ZNF385D: variants seen among roughly 807,000 people sequenced by gnomAD.
The protein encoded by ZNF385D is zinc finger protein 659.
A neutral mutation model predicts 35.8 loss-of-function variants in ZNF385D; 15 were observed. That is an observed-to-expected ratio of 0.42 (90% CI 0.28 to 0.64). ZNF385D has a LOEUF of 0.64. Among genes scored for constraint, ZNF385D ranks in the 30% least tolerant of loss-of-function variants. The pLI is 0.23. For synonymous variants in ZNF385D, 212 were observed against 186.8 expected (o/e 1.13, Z -1.10); for missense variants, 474 against 494.6 (o/e 0.96, Z 0.39).
intron 3 of ZNF385D, among the ~76,000 whole-genome samples, chr3:21,960,519 CAG>C (rs930369120): frequency 1.3e-5 from 2 of 151,782 alleles, no homozygotes; most frequent in African/African-American, 4.8e-5. Flanking sequence ...TTAGGGAAAA[CAG>C]TGTGGAGATT....
intron 3 of ZNF385D, among the ~76,000 whole-genome samples, chr3:21,926,182 T>G (rs1056408113): frequency 3.3e-5 from 5 of 152,094 alleles, no homozygotes; most frequent in Non-Finnish European, 5.9e-5. Flanking sequence ...ATGTGCAGAT[T>G]TTGCAGGTTT....
intron 2 of ZNF385D, among the ~76,000 whole-genome samples, chr3:21,584,992 C>T (rs558908806): frequency 6.6e-6 from 1 of 152,244 alleles, no homozygotes; most frequent in Admixed American, 6.5e-5. Context: ...AGAAAATCTC[C>T]AGAGAAAAGA....
At chr3:21,825,574 T>G (rs973922399) in intron 3 of ZNF385D, among the ~76,000 whole-genome samples, 1 of 152,154 alleles carries the variant, frequency 6.6e-6, no homozygotes, top group Non-Finnish European at 1.5e-5. Context: ...TCACTCTGCA[T>G]TCTTCATTTC....
At chr3:21,958,563 A>G (rs1344370271) in intron 3 of ZNF385D, among the ~76,000 whole-genome samples, 1 of 152,112 alleles carries the variant, frequency 6.6e-6, no homozygotes, top group African/African-American at 2.4e-5. Context: ...GAAGCTATAT[A>G]TCTAATAAAA....
At chr3:21,620,141 A>G (rs1254063455) in intron 2 of ZNF385D, among the ~76,000 whole-genome samples, 1 of 152,228 alleles carries the variant, frequency 6.6e-6, no homozygotes, top group East Asian at 1.9e-4. Context: ...AGCATAAGGG[A>G]AAGTTATTTT....
At chr3:22,365,093 A>G (rs1696592116) in intron 2 of ZNF385D, among the ~76,000 whole-genome samples, 1 of 152,076 alleles carries the variant, frequency 6.6e-6, no homozygotes, top group South Asian at 2.1e-4. Flanking sequence ...GGCTGTGGGC[A>G]GGGAAGAATG....
chr3:22,119,027 T>A (rs9310682), intron 3 of ZNF385D, among the ~76,000 whole-genome samples: 2 of 152,098 alleles, frequency 1.3e-5, no homozygotes, highest in Admixed American at 1.3e-4. Flanking sequence ...GATTACCTAA[T>A]TCTAAAAAAT....
intron 3 of ZNF385D, among the ~76,000 whole-genome samples, chr3:22,046,617 C>T (rs186903534): frequency 4.7e-4 from 71 of 152,144 alleles, no homozygotes; most frequent in African/African-American, 1.6e-3. Flanking sequence ...TTCATATAAG[C>T]AATTGCAAAT....
intron 3 of ZNF385D, among the ~76,000 whole-genome samples, chr3:21,807,719 G>A (rs1238657120): frequency 6.6e-6 from 1 of 152,198 alleles, no homozygotes; most frequent in South Asian, 2.1e-4. Flanking sequence ...TAACAAAATA[G>A]GAGCATCATT....
At chr3:21,858,385 T>TTTATGTCC (rs933128966) in intron 3 of ZNF385D, among the ~76,000 whole-genome samples, 1 of 151,986 alleles carries the variant, frequency 6.6e-6, no homozygotes, top group African/African-American at 2.4e-5. Flanking sequence ...GGTCTGAATG[T>TTTATGTCC]TTATGTCCCC....
chr3:21,629,037 C>T (rs1269230277), intron 2 of ZNF385D, among the ~76,000 whole-genome samples: 1 of 152,036 alleles, frequency 6.6e-6, no homozygotes, highest in Non-Finnish European at 1.5e-5. Context: ...CTGACCATTA[C>T]AATGAACAGA....
At chr3:22,166,568 A>G (rs1706342127) in intron 3 of ZNF385D, among the ~76,000 whole-genome samples, 1 of 152,236 alleles carries the variant, frequency 6.6e-6, no homozygotes, top group Admixed American at 6.5e-5. Context: ...GAATATAACA[A>G]GATCACTTTG....
At chr3:22,370,079 A>C (rs1494217) in intron 2 of ZNF385D, among the ~76,000 whole-genome samples, 104,234 of 152,008 alleles carry the variant, frequency 0.69, 35,939 homozygotes, top group South Asian at 0.77. Flanking sequence ...GTAAATAGCA[A>C]GTCACAGCAG....
chr3:22,237,366 C>T (rs1699246305), intron 2 of ZNF385D, among the ~76,000 whole-genome samples: 1 of 151,918 alleles, frequency 6.6e-6, no homozygotes, highest in Non-Finnish European at 1.5e-5. Context: ...TTTAATTGGG[C>T]TGTTTATTAT....
intron 3 of ZNF385D, among the ~76,000 whole-genome samples, chr3:22,123,732 G>T: frequency 6.6e-6 from 1 of 152,082 alleles, no homozygotes; most frequent in East Asian, 1.9e-4. Flanking sequence ...GTGGTGGTGG[G>T]CACCTGTAAT....
At chr3:21,693,882 CTTTTTTTT>C (rs555946193) in intron 1 of ZNF385D, among the ~76,000 whole-genome samples, 1 of 118,394 alleles carries the variant, frequency 8.4e-6, no homozygotes, top group Non-Finnish European at 1.8e-5. Flanking sequence ...CTTTTTTTTT[CTTTTTTTT>C]TTTTTTTTGA....
At chr3:22,116,860 A>AAC (rs1436661055) in intron 3 of ZNF385D, among the ~76,000 whole-genome samples, 1 of 152,106 alleles carries the variant, frequency 6.6e-6, no homozygotes, top group Non-Finnish European at 1.5e-5. Context: ...AATTGTCTGT[A>AAC]ACACTAAAAC....
At chr3:22,093,972 T>C (rs911819448) in intron 3 of ZNF385D, among the ~76,000 whole-genome samples, 44 of 152,162 alleles carry the variant, frequency 2.9e-4, no homozygotes, top group African/African-American at 1.0e-3. Flanking sequence ...TCCATCCGTA[T>C]TCCAGGGAAA....
intron 3 of ZNF385D, among the ~76,000 whole-genome samples, chr3:21,855,496 T>A (rs1194257612): frequency 1.3e-5 from 2 of 152,066 alleles, no homozygotes; most frequent in African/African-American, 2.4e-5. Context: ...CCAGTGAGTC[T>A]AGATTCCATT....
Sources: gnomAD v4.1 joint callset for allele counts (sites outside exome capture counted in the v4.1 genomes callset) on GRCh38, gnomAD v4.1.1 for gene constraint, MANE v1.5 for transcripts, NCBI Gene and HGNC (gene_info 2026-07-23, HGNC 2026-07-21) for gene names.